The following KIF6 variants were observed in gnomAD, a reference collection of about 807,000 sequenced individuals.
KIF6 encodes the protein kinesin-like protein KIF6.
KIF6 carries 106 observed loss-of-function variants against 112.7 expected under a neutral mutation model. The observed-to-expected ratio is 0.94, with a 90% CI of 0.80 to 1.11. The LOEUF is 1.11. Ranked by LOEUF, KIF6 falls within the 50% of genes least tolerant of loss-of-function variation. The probability of loss-of-function intolerance (pLI) is 0.00; values close to 1 mark genes in which losing one functional copy is unlikely to be tolerated. For synonymous variants in KIF6, 339 were observed against 339.9 expected (o/e 1.00, Z 0.03); for missense variants, 929 against 964.0 (o/e 0.96, Z 0.48).
chr6:39,479,138 C>T (rs1237880153), intron 13 of KIF6, among the ~76,000 whole-genome samples: 2 of 152,068 alleles, frequency 1.3e-5, no homozygotes, highest in Non-Finnish European at 2.9e-5. Context: ...GTTTTTGTTG[C>T]ATTTGCTTTT....
intron 19 of KIF6, chr6:39,353,970 C>A: frequency 2.1e-6 from 1 of 484,202 alleles, no homozygotes. Flanking sequence ...TGAGGGCACA[C>A]TGACATTGCA....
intron 13 of KIF6, among the ~76,000 whole-genome samples, chr6:39,449,993 T>A (rs1162442494): frequency 6.6e-6 from 1 of 152,202 alleles, no homozygotes; most frequent in Non-Finnish European, 1.5e-5. Flanking sequence ...AGGTTTTCAT[T>A]TTTGGGAGTT....
intron 19 of KIF6, among the ~76,000 whole-genome samples, chr6:39,347,903 A>G (rs142355609): frequency 2.2e-3 from 336 of 152,270 alleles, no homozygotes; most frequent in African/African-American, 7.4e-3. Context: ...TCACCCACCA[A>G]TGTCCATTTC....
At chr6:39,617,828 G>C (rs1380047224) in intron 5 of KIF6, 2 of 441,476 alleles carry the variant, frequency 4.5e-6, no homozygotes, top group Non-Finnish European at 9.2e-6. Context: ...GGTGCACCAG[G>C]CTCTTCTAAA....
chr6:39,674,199 C>T (rs1352939993), intron 3 of KIF6, among the ~76,000 whole-genome samples: 1 of 152,006 alleles, frequency 6.6e-6, no homozygotes, highest in Non-Finnish European at 1.5e-5. Flanking sequence ...AATTTATTAA[C>T]AATAAATTAT....
chr6:39,505,618 T>C (rs1776378781), intron 13 of KIF6, among the ~76,000 whole-genome samples: 1 of 152,206 alleles, frequency 6.6e-6, no homozygotes, highest in Non-Finnish European at 1.5e-5. Flanking sequence ...AAAGGTCTAA[T>C]ATTCAGCATC....
intron 16 of KIF6, among the ~76,000 whole-genome samples, chr6:39,376,503 C>T (rs116605575): frequency 0.014 from 2,058 of 152,310 alleles, 15 homozygotes; most frequent in Non-Finnish European, 0.022. Context: ...ATGTAGAAAC[C>T]TGAGCGCAGA....
At chr6:39,402,017 A>G (rs1768747024) in intron 15 of KIF6, among the ~76,000 whole-genome samples, 1 of 152,114 alleles carries the variant, frequency 6.6e-6, no homozygotes, top group African/African-American at 2.4e-5. Context: ...GAGTAACTGT[A>G]GCAGCCCTTG....
At chr6:39,469,290 A>G (rs1773982400) in intron 13 of KIF6, among the ~76,000 whole-genome samples, 1 of 152,176 alleles carries the variant, frequency 6.6e-6, no homozygotes, top group Non-Finnish European at 1.5e-5. Context: ...ACATAGAAAA[A>G]ATAAAATGGC....
At chr6:39,360,265 C>T in intron 18 of KIF6, 130 bp downstream of exon 18, 1 of 1,002,288 alleles carries the variant, frequency 1.0e-6, no homozygotes, top group South Asian at 1.7e-5. Flanking sequence ...ACAGTGAGCA[C>T]CTGCTTCATG....
intron 5 of KIF6, among the ~76,000 whole-genome samples, chr6:39,618,134 G>A (rs1035166748): frequency 6.6e-5 from 10 of 152,120 alleles, no homozygotes; most frequent in African/African-American, 2.4e-4. Flanking sequence ...CTTGAAATAT[G>A]TTTCTTGGGA....
rs528994374 is a variant in KIF6, at chr6:39,442,765, G to C, written c.1646-11604C>G. Among the ~76,000 whole-genome samples, 74 of 152,236 alleles carry C rather than the reference G, an allele frequency of 4.9e-4. No homozygotes were observed. The South Asian group carries it at 0.014, about 29-fold the overall frequency. ...AACGCGTGTGTCTGAATTCTTTGTAGGTTGACTGACAGCTCCCTGAACGGA... is the reference window on the plus strand; with the variant it reads ...AACGCGTGTGTCTGAATTCTTTGTACGTTGACTGACAGCTCCCTGAACGGA... On this transcript the variant is annotated intron_variant, in intron 13 of 22. Transcript: ENST00000287152.
intron 3 of KIF6, among the ~76,000 whole-genome samples, chr6:39,669,410 G>A (rs1786673090): frequency 1.3e-5 from 2 of 152,142 alleles, no homozygotes; most frequent in African/African-American, 4.8e-5. Flanking sequence ...AAGACATAGA[G>A]GCTCTCCACA....
At chr6:39,364,883 C>G (rs993387185) in intron 16 of KIF6, among the ~76,000 whole-genome samples, 1 of 152,208 alleles carries the variant, frequency 6.6e-6, no homozygotes, top group Non-Finnish European at 1.5e-5. Context: ...TACCAGACAG[C>G]CTCCCCAACA....
In KIF6 at chr6:39,431,033, G is replaced by C. The variant is rs187977235; in HGVS notation, c.1754+20C>G. 2.6e-4 allele frequency: 399 copies of C among 1,516,676 alleles called. 2 individuals carry two copies. In the African/African-American group the frequency reaches 4.5e-3, roughly 17 times the overall value. The allele number at this position is 1,516,676 out of a possible 1,614,324, so 94.0% of individuals were successfully genotyped here. On this transcript the variant is annotated intron_variant, in intron 14 of 22. Transcript: ENST00000287152. ...CTGGCTGAGCCTCGGAGGACCAGCT[G>C]CTCTCTGAGACAGCCTTACCTCTGT...
chr6:39,500,761 G>A (rs1255245652), intron 13 of KIF6, among the ~76,000 whole-genome samples: 2 of 152,244 alleles, frequency 1.3e-5, no homozygotes, highest in Non-Finnish European at 2.9e-5. Context: ...TATAGAAATG[G>A]GAGTTTGGAG....
At chr6:39,385,771 A>T in intron 15 of KIF6, 99 bp from the exon 16 acceptor site, 1 of 772,350 alleles carries the variant, frequency 1.3e-6, no homozygotes, top group Non-Finnish European at 2.3e-6. Context: ...AAAAAAAAAA[A>T]GGTAGAGTAA....
rs1038816045 is a variant in KIF6, at chr6:39,350,243, C to T, written c.2181-3717G>A. ...GGTGGTGGGAAGCACATAAAGAAAG[C>T]GCCTTGTACAAAATATTACAAAATG... On this transcript the variant is annotated intron_variant, in intron 19 of 22. Transcript: ENST00000287152. 2.6e-5 allele frequency among the ~76,000 whole-genome samples: 4 copies of T among 152,228 alleles called. No individual in the cohort carries two copies. In the South Asian group the frequency reaches 8.3e-4, roughly 32 times the overall value.
intron 5 of KIF6, among the ~76,000 whole-genome samples, chr6:39,627,275 C>A (rs1488362614): frequency 6.6e-6 from 1 of 152,208 alleles, no homozygotes; most frequent in Non-Finnish European, 1.5e-5. Context: ...CCCTATGAAT[C>A]TTTGCCTGAT....
Sources: gnomAD v4.1 joint callset for allele counts (sites outside exome capture counted in the v4.1 genomes callset) on GRCh38, gnomAD v4.1.1 for gene constraint, MANE v1.5 for transcripts, NCBI Gene and HGNC (gene_info 2026-07-23, HGNC 2026-07-21) for gene names.